ATXN7L1: variants seen among roughly 807,000 people sequenced by gnomAD.
ATXN7L1 encodes ataxin 7 like 1.
A neutral mutation model predicts 70.8 loss-of-function variants in ATXN7L1; 15 were observed. The observed-to-expected ratio is 0.21, with a 90% CI of 0.14 to 0.33. The LOEUF (loss-of-function observed/expected upper bound fraction) is 0.33, where lower values mean the gene tolerates loss of function less well. Among genes scored for constraint, ATXN7L1 ranks in the 10% least tolerant of loss-of-function variants. The pLI, the probability that ATXN7L1 is intolerant of heterozygous loss-of-function variation, is 1.00. For synonymous variants in ATXN7L1, 440 were observed against 445.1 expected (o/e 0.99, Z 0.14); for missense variants, 975 against 1,097.1 (o/e 0.89, Z 1.57).
intron 3 of ATXN7L1, among the ~76,000 whole-genome samples, chr7:105,740,865 A>T (rs1011568118): frequency 1.4e-5 from 2 of 147,450 alleles, no homozygotes; most frequent in Non-Finnish European, 3.0e-5. Context: ...CCCGGGTTCA[A>T]GCCATTCTCC....
chr7:105,654,370 G>A (rs687596), intron 4 of ATXN7L1, among the ~76,000 whole-genome samples: 2,528 of 152,370 alleles, frequency 0.017, 62 homozygotes, highest in African/African-American at 0.056. Context: ...GTGCAATACC[G>A]TGTTTAATCT....
intron 3 of ATXN7L1, among the ~76,000 whole-genome samples, chr7:105,717,355 C>T (rs1376840941): frequency 3.3e-5 from 5 of 152,028 alleles, no homozygotes; most frequent in African/African-American, 7.2e-5. Flanking sequence ...CTTGAACTCC[C>T]GACCTCGTGA....
chr7:105,760,128 T>G, intron 3 of ATXN7L1: 5 of 912,072 alleles, frequency 5.5e-6, no homozygotes, highest in Non-Finnish European at 6.6e-6. Context: ...TGCCAAGTTC[T>G]CCTCTTGTCA....
intron 3 of ATXN7L1, among the ~76,000 whole-genome samples, chr7:105,755,033 C>T (rs1280356649): frequency 1.4e-5 from 2 of 144,540 alleles, no homozygotes; most frequent in Non-Finnish European, 3.0e-5. Flanking sequence ...CAAGTTTAGG[C>T]CAGGTCCAAC....
intron 2 of ATXN7L1, among the ~76,000 whole-genome samples, chr7:105,790,353 G>A (rs993124956): frequency 1.3e-5 from 2 of 152,148 alleles, no homozygotes; most frequent in Non-Finnish European, 2.9e-5. Context: ...TGTAATCCCA[G>A]CACTTTGGGA....
At position 105,732,639 on chromosome 7, in the gene ATXN7L1, C is replaced by G. The variant is rs1201359605; in HGVS notation, c.355+55965G>C. Reference sequence around the variant, plus strand: ...GTGGGCATTGTAGGTCAATACCAAGCAGCATGGTGCCTATGTTGGCAGGGG... The same window carrying G: ...GTGGGCATTGTAGGTCAATACCAAGGAGCATGGTGCCTATGTTGGCAGGGG... On this transcript the variant is annotated intron_variant, in intron 3 of 11. Coordinates refer to ENST00000419735, the MANE Select transcript of ATXN7L1 (RefSeq NM_020725.2). Among the ~76,000 whole-genome samples, 10 of 152,306 alleles carry G rather than the reference C, an allele frequency of 6.6e-5. No homozygotes were observed. The East Asian group carries it at 1.9e-3, about 29-fold the overall frequency.
intron 5 of ATXN7L1, among the ~76,000 whole-genome samples, chr7:105,639,979 G>C (rs1209382308): frequency 6.6e-6 from 1 of 152,214 alleles, no homozygotes; most frequent in Admixed American, 6.5e-5. Flanking sequence ...AGCCACCTGA[G>C]ACCCAACGAC....
chr7:105,856,076 A>C (rs1017470800), intron 2 of ATXN7L1, among the ~76,000 whole-genome samples: 5 of 152,208 alleles, frequency 3.3e-5, no homozygotes, highest in Non-Finnish European at 5.9e-5. Flanking sequence ...TTCAGCAAGA[A>C]AGTCACGTCA....
chr7:105,607,873 G>T lies in ATXN7L1; in HGVS notation c.2565C>A (p.Gly855=). 1 of 1,551,912 alleles carries T rather than the reference G, an allele frequency of 6.4e-7. No homozygotes were observed. The highest frequency in any genetic ancestry group is 8.7e-7 in the Non-Finnish European group (1 of 1,146,966). The change falls in exon 12 of 12, where the codon GGC becomes GGA. Residue 855 remains glycine, a synonymous_variant. Coordinates refer to ENST00000419735, the MANE Select transcript of ATXN7L1 (RefSeq NM_020725.2). ...GHSRQNTNRT[G]RIRTLP ...CTTGTTATGGAAGAGTCCTTATCCT[G>T]CCCGTTCTGTTTGTGTTCTTCTAGG...
intron 3 of ATXN7L1, among the ~76,000 whole-genome samples, chr7:105,767,749 T>A (rs920032424): frequency 5.9e-5 from 9 of 152,222 alleles, no homozygotes; most frequent in African/African-American, 1.7e-4. Context: ...CCCAGATAGC[T>A]TGGCTCCAGG....
At chr7:105,717,270 G>A (rs1031573580) in intron 3 of ATXN7L1, among the ~76,000 whole-genome samples, 1 of 152,126 alleles carries the variant, frequency 6.6e-6, no homozygotes, top group Non-Finnish European at 1.5e-5. Flanking sequence ...TGGGATTATA[G>A]GTGGACGCCA....
At chr7:105,813,317 T>C (rs1373704241) in intron 2 of ATXN7L1, among the ~76,000 whole-genome samples, 3 of 151,414 alleles carry the variant, frequency 2.0e-5, no homozygotes, top group East Asian at 3.9e-4. Context: ...CCTTCTTTTC[T>C]AGTATTCACA....
intron 3 of ATXN7L1, among the ~76,000 whole-genome samples, chr7:105,671,104 C>CAAAAAAAAAAAAAAAAA (rs71155469): frequency 4.5e-5 from 4 of 89,704 alleles, no homozygotes; most frequent in African/African-American, 1.2e-4. Context: ...GACTACGTCT[C>CAAAAAAAAAAAAAAAAA]AAAAAAAAAA....
At chr7:105,753,102 G>A (rs1034121950) in intron 3 of ATXN7L1, among the ~76,000 whole-genome samples, 1 of 152,242 alleles carries the variant, frequency 6.6e-6, no homozygotes, top group Non-Finnish European at 1.5e-5. Context: ...GCTGGTGAGA[G>A]CCAGTGCTGC....
intron 2 of ATXN7L1, among the ~76,000 whole-genome samples, chr7:105,839,001 A>G (rs565236660): frequency 6.6e-6 from 1 of 152,366 alleles, no homozygotes; most frequent in South Asian, 2.1e-4. Flanking sequence ...GTTAGGCAGA[A>G]ATCTCTGAAG....
At chr7:105,709,501 C>T (rs764939755) in intron 3 of ATXN7L1, among the ~76,000 whole-genome samples, 7 of 152,060 alleles carry the variant, frequency 4.6e-5, no homozygotes, top group Non-Finnish European at 7.4e-5. Flanking sequence ...AAGCCCACAC[C>T]CCAACCACCT....
At chr7:105,863,842 A>G (rs1450503645) in intron 2 of ATXN7L1, among the ~76,000 whole-genome samples, 2 of 152,246 alleles carry the variant, frequency 1.3e-5, no homozygotes, top group East Asian at 3.8e-4. Context: ...AAAGACAGCT[A>G]GGATTGTTAC....
intron 2 of ATXN7L1, among the ~76,000 whole-genome samples, chr7:105,824,596 A>G (rs906245150): frequency 2.6e-5 from 4 of 152,160 alleles, no homozygotes; most frequent in African/African-American, 9.6e-5. Flanking sequence ...AGAAAACAAA[A>G]GCAAACAGAA....
intron 8 of ATXN7L1, among the ~76,000 whole-genome samples, chr7:105,621,509 G>A (rs1381747691): frequency 6.6e-6 from 1 of 152,202 alleles, no homozygotes; most frequent in African/African-American, 2.4e-5. Context: ...ACAAATAGAT[G>A]GGGGAGACAG....
Sources: gnomAD v4.1 joint callset for allele counts (sites outside exome capture counted in the v4.1 genomes callset) on GRCh38, gnomAD v4.1.1 for gene constraint, MANE v1.5 for transcripts, NCBI Gene and HGNC (gene_info 2026-07-23, HGNC 2026-07-21) for gene names.